The following DIP2C variants were observed in gnomAD, a reference collection of about 807,000 sequenced individuals.
DIP2C encodes the protein DIP2 acetate--CoA ligase C (putative).
DIP2C carries 33 observed loss-of-function variants against 192.4 expected under a neutral mutation model. That is an observed-to-expected ratio of 0.17 (90% CI 0.13 to 0.23). DIP2C has a LOEUF of 0.23. Ranked by LOEUF, DIP2C falls within the 10% of genes least tolerant of loss-of-function variation. The pLI, the probability that DIP2C is intolerant of heterozygous loss-of-function variation, is 1.00. For missense variants in DIP2C, 1,537 were observed against 2,110.1 expected (o/e 0.73, Z 5.32); for synonymous variants, 979 against 864.1 (o/e 1.13, Z -2.33).
At chr10:470,045 G>A (rs1408274318) in intron 3 of DIP2C, among the ~76,000 whole-genome samples, 1 of 152,204 alleles carries the variant, frequency 6.6e-6, no homozygotes, top group African/African-American at 2.4e-5. Context: ...GTAAATGGAT[G>A]AAATGTTTGA....
At chr10:567,390 C>G (rs1849520268) in intron 1 of DIP2C, among the ~76,000 whole-genome samples, 1 of 152,056 alleles carries the variant, frequency 6.6e-6, no homozygotes, top group Admixed American at 6.6e-5. Flanking sequence ...TGGGGTTTTA[C>G]CATGTTGGTC....
rs191107128 is a variant in DIP2C at position 482,821 on chromosome 10, C to T, written c.157+3638G>A. The stretch of plus-strand genomic sequence containing the variant: ...GCTGCCAGGCAGTGGATTTTATTTC[C>T]TAGGTTTACAACTTTGACTGGGCTT... On this transcript the variant is annotated intron_variant, in intron 2 of 36. Coordinates refer to ENST00000280886, the MANE Select transcript of DIP2C (RefSeq NM_014974.3). Among the ~76,000 whole-genome samples, 23 of 152,296 alleles carry T rather than the reference C, an allele frequency of 1.5e-4. No individual in the cohort carries two copies. The East Asian group carries it at 3.7e-3, about 24-fold the overall frequency.
chr10:583,255 C>T (rs1002618506), intron 1 of DIP2C, among the ~76,000 whole-genome samples: 3 of 152,222 alleles, frequency 2.0e-5, no homozygotes, highest in South Asian at 2.1e-4. Flanking sequence ...AAAGCAAACA[C>T]GGCATATCAC....
intron 31 of DIP2C, among the ~76,000 whole-genome samples, chr10:314,806 GGCTCCACCCTCATGATCTAATC>G (rs1258244453): frequency 6.6e-6 from 1 of 152,132 alleles, no homozygotes; most frequent in Non-Finnish European, 1.5e-5. Flanking sequence ...CATTCGTGAG[GGCTCCACCCTCATGATCTAATC>G]ACCTTCTAAA....
intron 1 of DIP2C, among the ~76,000 whole-genome samples, chr10:488,650 G>A (rs565755391): frequency 5.9e-5 from 9 of 152,232 alleles, no homozygotes; most frequent in East Asian, 1.9e-4. Context: ...GCCCTTCTCC[G>A]AAGGAAACGG....
In DIP2C at chr10:382,639, C is replaced by T. The variant is rs1284317511; in HGVS notation, c.1991+8G>A. On this transcript the variant is annotated splice_region_variant and intron_variant, in intron 17 of 36. Coordinates refer to ENST00000280886, the MANE Select transcript of DIP2C (RefSeq NM_014974.3). ...AGGTTATCTACGTAAATCAACATGACCCAGTACCTCCGGATGGCCACAGTG... is the reference window on the plus strand; with the variant it reads ...AGGTTATCTACGTAAATCAACATGATCCAGTACCTCCGGATGGCCACAGTG... 6.2e-7 allele frequency: 1 copy of T among 1,608,132 alleles called. No homozygotes were observed. Among genetic ancestry groups the T allele is most frequent in the African/African-American group, 1.3e-5 (1 of 74,928 alleles).
At chr10:454,287 A>T (rs61837252) in intron 3 of DIP2C, among the ~76,000 whole-genome samples, 24,318 of 152,040 alleles carry the variant, frequency 0.16, 5,018 homozygotes, top group African/African-American at 0.48. Context: ...TGTTGGTACT[A>T]CTTACATTTA....
chr10:537,420 C>G (rs1264235640), intron 1 of DIP2C, among the ~76,000 whole-genome samples: 2 of 152,216 alleles, frequency 1.3e-5, no homozygotes. Context: ...GGCGCAGACT[C>G]CGGTTCCTTT....
intron 17 of DIP2C, among the ~76,000 whole-genome samples, chr10:372,504 T>C (rs1281696622): frequency 6.6e-6 from 1 of 152,250 alleles, no homozygotes; most frequent in Non-Finnish European, 1.5e-5. Flanking sequence ...ACAATGATAG[T>C]TCCAGGAGGC....
intron 1 of DIP2C, among the ~76,000 whole-genome samples, chr10:528,448 C>T (rs1221907971): frequency 1.3e-5 from 2 of 151,934 alleles, no homozygotes; most frequent in Non-Finnish European, 2.9e-5. Context: ...TCCCCCAGAA[C>T]GCAGACCACT....
At chr10:605,643 T>A (rs898862519) in intron 1 of DIP2C, among the ~76,000 whole-genome samples, 1 of 152,218 alleles carries the variant, frequency 6.6e-6, no homozygotes, top group Non-Finnish European at 1.5e-5. Context: ...TCCTGACGCC[T>A]GCCTGAACAT....
At position 360,541 on chromosome 10, in the gene DIP2C, A is replaced by C. The variant is rs561908761; in HGVS notation, c.2794+1949T>G. ...GCTCAGGGCACAGGGCGGGAGTTTTATCTCAAAGACAGCAGCGAGACACAC... is the reference window on the plus strand; with the variant it reads ...GCTCAGGGCACAGGGCGGGAGTTTTCTCTCAAAGACAGCAGCGAGACACAC... On this transcript the variant is annotated intron_variant, in intron 22 of 36. Transcript: ENST00000280886. 3.9e-5 allele frequency among the ~76,000 whole-genome samples: 6 copies of C among 152,324 alleles called. No individual in the cohort carries two copies. The East Asian group carries it at 9.6e-4, about 24-fold the overall frequency.
intron 5 of DIP2C, among the ~76,000 whole-genome samples, chr10:420,399 G>A (rs1467215398): frequency 1.3e-5 from 2 of 152,172 alleles, no homozygotes; most frequent in African/African-American, 2.4e-5. Context: ...CTGGGAACCC[G>A]TGACTGAAAA....
At chr10:566,458 C>T (rs1849473472) in intron 1 of DIP2C, among the ~76,000 whole-genome samples, 1 of 152,206 alleles carries the variant, frequency 6.6e-6, no homozygotes, top group Admixed American at 6.5e-5. Flanking sequence ...TCTCGAGTAG[C>T]ACACCACAAA....
At chr10:487,738 C>T (rs544767445) in intron 1 of DIP2C, among the ~76,000 whole-genome samples, 18 of 152,066 alleles carry the variant, frequency 1.2e-4, no homozygotes, top group Middle Eastern at 3.4e-3. Flanking sequence ...CCACCACGCC[C>T]GGCTAATTTT....
In DIP2C at chr10:387,750, G is replaced by A. The variant is rs149000013; in HGVS notation, c.1657C>T (p.Leu553=). 3.7e-6 allele frequency: 6 copies of A among 1,614,084 alleles called. No homozygotes were observed. In the African/African-American group the frequency reaches 8.0e-5, roughly 22 times the overall value. The part of the protein sequence containing the change: ...KKDVGLWHGI[L]TSVMNMMHVI... Reference sequence around the variant, plus strand: ...GCCGGGGGGACCTCACTTACTGTCAGGATGCCATGCCAGAGCCCGACGTCC... The same window carrying A: ...GCCGGGGGGACCTCACTTACTGTCAAGATGCCATGCCAGAGCCCGACGTCC... The change falls in exon 14 of 37, where the codon CTG becomes TTG. Residue 553 remains leucine, a synonymous_variant. Transcript: ENST00000280886.
At chr10:281,061 AAGATTTAT>A in intron 36 of DIP2C, 131 bp downstream of exon 36, 1 of 1,238,268 alleles carries the variant, frequency 8.1e-7, no homozygotes, top group Non-Finnish European at 1.1e-6. Context: ...CCAAAAGATA[AAGATTTAT>A]AGTCAAATGT....
chr10:428,798 A>G (rs941069103), intron 4 of DIP2C, among the ~76,000 whole-genome samples: 2 of 152,008 alleles, frequency 1.3e-5, no homozygotes, highest in Non-Finnish European at 2.9e-5. Context: ...TTCTGTTCGC[A>G]TTTAATTTTG....
chr10:556,914 A>G (rs1459371431), intron 1 of DIP2C, among the ~76,000 whole-genome samples: 1 of 147,980 alleles, frequency 6.8e-6, no homozygotes, highest in Non-Finnish European at 1.5e-5. Context: ...CATCAAACCT[A>G]CATGCACTCT....
Sources: gnomAD v4.1 joint callset for allele counts (sites outside exome capture counted in the v4.1 genomes callset) on GRCh38, gnomAD v4.1.1 for gene constraint, MANE v1.5 for transcripts, NCBI Gene and HGNC (gene_info 2026-07-23, HGNC 2026-07-21) for gene names.